NPAS2: variants seen among roughly 807,000 people sequenced by gnomAD.
NPAS2 encodes neuronal PAS domain-containing protein 2.
A neutral mutation model predicts 107.5 loss-of-function variants in NPAS2; 23 were observed. That is an observed-to-expected ratio of 0.21 (90% CI 0.15 to 0.30). The LOEUF is 0.30. Ranked by LOEUF, NPAS2 falls within the 10% of genes least tolerant of loss-of-function variation. NPAS2 has a pLI of 1.00. For missense variants in NPAS2, 756 were observed against 1,043.3 expected, an observed-to-expected ratio of 0.72 and a Z score of 3.79; for synonymous variants, 403 against 417.5, an observed-to-expected ratio of 0.97 and a Z score of 0.42.
intron 1 of NPAS2, among the ~76,000 whole-genome samples, chr2:100,893,311 C>T (rs1291895912): frequency 6.6e-6 from 1 of 152,216 alleles, no homozygotes; most frequent in Admixed American, 6.5e-5. Flanking sequence ...ACTCTGTCAG[C>T]AATAAATAAA....
chr2:100,957,652 C>T (rs191793302), intron 7 of NPAS2, among the ~76,000 whole-genome samples: 24 of 152,354 alleles, frequency 1.6e-4, no homozygotes, highest in Admixed American at 1.4e-3. Context: ...TCCTGCCGGG[C>T]GCGGTGGCTC....
At chr2:100,888,876 G>A (rs890383462) in intron 1 of NPAS2, among the ~76,000 whole-genome samples, 2 of 152,088 alleles carry the variant, frequency 1.3e-5, no homozygotes, top group Admixed American at 6.5e-5. Context: ...AGGAGGAATC[G>A]GGCCAGTGGG....
chr2:100,852,856 T>G (rs1343286150), intron 1 of NPAS2, among the ~76,000 whole-genome samples: 2 of 152,142 alleles, frequency 1.3e-5, no homozygotes, highest in Admixed American at 6.5e-5. Context: ...TGCAGGGGCG[T>G]TCAGTGCTTT....
intron 1 of NPAS2, among the ~76,000 whole-genome samples, chr2:100,862,656 T>C (rs1679014520): frequency 6.6e-6 from 1 of 152,182 alleles, no homozygotes; most frequent in African/African-American, 2.4e-5. Context: ...ACACGTACCA[T>C]GGCATAGTTT....
At chr2:100,865,337 A>G (rs1250530764) in intron 1 of NPAS2, among the ~76,000 whole-genome samples, 1 of 152,072 alleles carries the variant, frequency 6.6e-6, no homozygotes, top group Non-Finnish European at 1.5e-5. Context: ...GCTCCTTTGG[A>G]TGCATGTTCA....
At chr2:100,966,683 T>G (rs1676235070) in intron 10 of NPAS2, among the ~76,000 whole-genome samples, 1 of 150,898 alleles carries the variant, frequency 6.6e-6, no homozygotes, top group Non-Finnish European at 1.5e-5. Flanking sequence ...AAGCTTCACC[T>G]TCTGGGTTCA....
chr2:100,853,987 A>C (rs1429931472), intron 1 of NPAS2, among the ~76,000 whole-genome samples: 3 of 151,404 alleles, frequency 2.0e-5, no homozygotes, highest in South Asian at 2.1e-4. Flanking sequence ...AAAAAAAAAA[A>C]AAAACACAAA....
In NPAS2 at chr2:100,961,912, G is replaced by T. The variant is rs374033385; in HGVS notation, c.599-2146G>T. ...TTTGTTTGGAAGGTCTTGGTATTCTGAAAGAGTCAGAATTTTATTAGTCAT... is the reference window on the plus strand; with the variant it reads ...TTTGTTTGGAAGGTCTTGGTATTCTTAAAGAGTCAGAATTTTATTAGTCAT... On this transcript the variant is annotated intron_variant, in intron 7 of 20. Coordinates refer to ENST00000335681, the MANE Select transcript of NPAS2 (RefSeq NM_002518.4). Among the ~76,000 whole-genome samples, 225 of 152,320 alleles carry T rather than the reference G, an allele frequency of 1.5e-3. 1 individual carries two copies. Among genetic ancestry groups the T allele is most frequent in the African/African-American group, 5.1e-3 (210 of 41,566 alleles).
intron 1 of NPAS2, among the ~76,000 whole-genome samples, chr2:100,839,933 G>A (rs1182329609): frequency 6.6e-6 from 1 of 152,042 alleles, no homozygotes; most frequent in Non-Finnish European, 1.5e-5. Context: ...TCTTTTTGAT[G>A]GAATTTAGGA....
At chr2:100,839,166 T>G (rs899212069) in intron 1 of NPAS2, among the ~76,000 whole-genome samples, 15 of 152,198 alleles carry the variant, frequency 9.9e-5, no homozygotes, top group African/African-American at 3.1e-4. Context: ...TCTCTCTCTG[T>G]TGCCCAGGCT....
chr2:100,990,237 C>G lies in NPAS2; in HGVS notation c.1828-19C>G. 2.5e-6 allele frequency: 4 copies of G among 1,612,030 alleles called. No individual in the cohort carries two copies. Among genetic ancestry groups the G allele is most frequent in the Non-Finnish European group, 3.4e-6 (4 of 1,178,402 alleles). ...GGTTGAGTCCAAGTCTTACCTTTCT[C>G]ATTGAAATGATGCTCCAGGGTCCAA... On this transcript the variant is annotated intron_variant, in intron 17 of 20. Coordinates refer to ENST00000335681, the MANE Select transcript of NPAS2 (RefSeq NM_002518.4).
At position 100,996,011 on chromosome 2, in the gene NPAS2, T is replaced by C; in HGVS notation, c.*429T>C. 8.5e-7 allele frequency: 1 copy of C among 1,173,616 alleles called. No homozygotes were observed. Among genetic ancestry groups the C allele is most frequent in the Non-Finnish European group, 1.1e-6 (1 of 916,816 alleles). 72.7% of individuals were successfully genotyped at this position (1,173,616 alleles called of 1,614,324 possible). On this transcript the variant is annotated 3_prime_UTR_variant, in exon 21 of 21. Coordinates refer to ENST00000335681, the MANE Select transcript of NPAS2 (RefSeq NM_002518.4). Reference sequence around the variant, plus strand: ...TTGGAGAAGGACTGGGTCAGAGATCTGTTGGAGAGAGAGAATAAAGAGATT... The same window carrying C: ...TTGGAGAAGGACTGGGTCAGAGATCCGTTGGAGAGAGAGAATAAAGAGATT...
chr2:100,993,430 T>G lies in NPAS2; in HGVS notation c.2195T>G (p.Met732Arg). The G allele has an allele frequency of 6.2e-7, 1 of 1,613,574 alleles. No individual in the cohort carries two copies. Among genetic ancestry groups the G allele is most frequent in the Non-Finnish European group, 8.5e-7 (1 of 1,179,724 alleles). Residue 732 changes from methionine to arginine, a missense_variant, in exon 20 of 21, where the codon ATG becomes AGG. By Grantham distance (91) the Met-to-Arg change is moderately conservative (BLOSUM62 -1). Coordinates refer to ENST00000335681, the MANE Select transcript of NPAS2 (RefSeq NM_002518.4). ...AGCGCCCCGATGCCCGTCCTGCTGA[T>G]GGGGCAGGCGGTGCTCCACCCCAGC... is the stretch of plus-strand genomic sequence containing the variant. ...SSSAPMPVLL[M>R]GQAVLHPSFP... is the part of the protein sequence containing the mutation.
At chr2:100,895,761 C>T (rs1187387128) in intron 1 of NPAS2, among the ~76,000 whole-genome samples, 1 of 152,184 alleles carries the variant, frequency 6.6e-6, no homozygotes, top group African/African-American at 2.4e-5. Flanking sequence ...CAGGTAGTCC[C>T]TAGGGGTGGG....
intron 1 of NPAS2, among the ~76,000 whole-genome samples, chr2:100,902,859 T>C (rs1558856980): frequency 6.6e-6 from 1 of 152,192 alleles, no homozygotes. Context: ...TGGGTGCAGC[T>C]CAGCTGAATG....
At chr2:100,923,495 A>G (rs776814667) in intron 2 of NPAS2, among the ~76,000 whole-genome samples, 32 of 152,216 alleles carry the variant, frequency 2.1e-4, no homozygotes, top group Admixed American at 3.9e-4. Context: ...TTTTGTGTCC[A>G]AGGGCTGTTT....
In NPAS2 at chr2:100,899,086, C is replaced by T. The variant is rs149495054; in HGVS notation, c.-22-5647C>T. Among the ~76,000 whole-genome samples, 407 of 152,228 alleles carry T rather than the reference C, an allele frequency of 2.7e-3. 3 individuals carry two copies. The highest frequency in any genetic ancestry group is 9.1e-3 in the African/African-American group (376 of 41,534). Reference sequence around the variant, plus strand: ...CAAAATTGTCAAGGCCTGAGAAACTCGCAGAGCCAAGGGGTGTCTAAGGAG... The same window carrying T: ...CAAAATTGTCAAGGCCTGAGAAACTTGCAGAGCCAAGGGGTGTCTAAGGAG... On this transcript the variant is annotated intron_variant, in intron 1 of 20. Transcript: ENST00000335681.
At chr2:100,901,538 T>C in intron 1 of NPAS2, 2 of 985,310 alleles carry the variant, frequency 2.0e-6, no homozygotes, top group Non-Finnish European at 1.2e-6. Context: ...CTCTCTTCCC[T>C]GACGCTCCCC....
chr2:100,923,759 G>A (rs1407687751), intron 2 of NPAS2, among the ~76,000 whole-genome samples: 1 of 152,228 alleles, frequency 6.6e-6, no homozygotes, highest in African/African-American at 2.4e-5. Flanking sequence ...CTGGGGAGGA[G>A]TGAGCCAGCT....
Sources: allele counts gnomAD v4.1 joint callset (sites outside exome capture counted in the v4.1 genomes callset), GRCh38; gene constraint gnomAD v4.1.1; transcripts MANE v1.5; gene names NCBI Gene and HGNC (gene_info 2026-07-23, HGNC 2026-07-21).